SV2B: variants seen among roughly 807,000 people sequenced by gnomAD.
SV2B encodes synaptic vesicle glycoprotein 2B.
In SV2B, 41 loss-of-function variants were observed where a neutral mutation model predicts 73.9. The observed-to-expected ratio is 0.56, with a 90% CI of 0.43 to 0.72. SV2B has a LOEUF of 0.72. SV2B is among the 30% of genes least tolerant of loss of function. The pLI is 0.00. For synonymous variants in SV2B, 314 were observed against 314.2 expected (o/e 1.00, Z 0.01); for missense variants, 764 against 857.8 (o/e 0.89, Z 1.37).
At chr15:91,142,484 A>C (rs1369013692) in intron 1 of SV2B, among the ~76,000 whole-genome samples, 3 of 152,240 alleles carry the variant, frequency 2.0e-5, no homozygotes, top group African/African-American at 7.2e-5. Flanking sequence ...AGGAATGCTC[A>C]TGTAGGTGGT....
intron 1 of SV2B, among the ~76,000 whole-genome samples, chr15:91,202,487 G>A (rs1420254776): frequency 6.6e-6 from 1 of 152,184 alleles, no homozygotes; most frequent in African/African-American, 2.4e-5. Flanking sequence ...GGGTGTCTTG[G>A]GAAAAATGAT....
intron 9 of SV2B, among the ~76,000 whole-genome samples, chr15:91,275,606 C>T (rs1596763749): frequency 6.6e-6 from 1 of 152,290 alleles, no homozygotes; most frequent in Middle Eastern, 3.4e-3. Context: ...GGGCGGAATG[C>T]CTGAGCTCAG....
chr15:91,268,418 A>G lies in SV2B; in HGVS notation c.1209-23A>G, dbSNP rs1282751069. On this transcript the variant is annotated intron_variant, in intron 8 of 12. Coordinates refer to ENST00000394232, the MANE Select transcript of SV2B (RefSeq NM_001323032.3). The surrounding 1 kb of genome is among the most constrained non-coding windows in gnomAD (Gnocchi z 4.4). ...AAGAATGAATCCTGTTGTTGTTGCA[A>G]CCTTCTGCCTTCTCCACTCCAGTTA... 3 of 1,599,478 alleles carry G rather than the reference A, an allele frequency of 1.9e-6. No homozygotes were observed. Among genetic ancestry groups the G allele is most frequent in the Non-Finnish European group, 2.6e-6 (3 of 1,169,312 alleles).
In SV2B at chr15:91,293,204, T is replaced by C. The variant is rs1318905399; in HGVS notation, c.*652T>C. On this transcript the variant is annotated 3_prime_UTR_variant, in exon 13 of 13. Transcript: ENST00000394232. ...ATTTAAGAAGGATATTTATTTCTGT[T>C]TTGCTCTATTCAAAGAAACGGAATG... 6.6e-6 allele frequency: 1 copy of C among 152,206 alleles called. No individual in the cohort carries two copies. The highest frequency in any genetic ancestry group is 1.5e-5 in the Non-Finnish European group (1 of 68,048). 9.4% of individuals were successfully genotyped at this position (152,206 alleles called of 1,614,324 possible).
At position 91,258,884 on chromosome 15, in the gene SV2B, GT is replaced by G. The variant is rs1355626570; in HGVS notation, c.918+336del. ...TGTCCCCCGAGGTCCTGATTAGGAA[GT>G]TTTTTAGCCTGGGCTACACAGGGAG... is the stretch of plus-strand genomic sequence containing the variant. On this transcript the variant is annotated intron_variant, in intron 5 of 12. Transcript: ENST00000394232. The surrounding 1 kb of genome is among the most constrained non-coding windows in gnomAD (Gnocchi z 4.7). Among the ~76,000 whole-genome samples the G allele has an allele frequency of 6.9e-6, 1 of 144,154 alleles. No individual in the cohort carries two copies. The highest frequency in any genetic ancestry group is 1.5e-5 in the Non-Finnish European group (1 of 66,450). 94.6% of individuals were successfully genotyped at this position (144,154 alleles called of 152,430 possible).
intron 1 of SV2B, among the ~76,000 whole-genome samples, chr15:91,161,503 C>T (rs964538035): frequency 2.6e-5 from 4 of 152,126 alleles, no homozygotes; most frequent in Non-Finnish European, 5.9e-5. Context: ...GATAGTAATG[C>T]AAGTAAATAA....
intron 1 of SV2B, among the ~76,000 whole-genome samples, chr15:91,200,326 G>C (rs532076754): frequency 6.6e-6 from 1 of 152,312 alleles, no homozygotes; most frequent in South Asian, 2.1e-4. Context: ...AGAGAGTTTA[G>C]GGATATTGAT....
chr15:91,127,433 C>A (rs779874450), intron 1 of SV2B, among the ~76,000 whole-genome samples: 1 of 151,844 alleles, frequency 6.6e-6, no homozygotes, highest in Non-Finnish European at 1.5e-5. Flanking sequence ...TTGGGACTGC[C>A]GGGAAGGCAT....
chr15:91,193,325 C>T (rs1191986890), intron 1 of SV2B, among the ~76,000 whole-genome samples: 12 of 152,184 alleles, frequency 7.9e-5, no homozygotes, highest in South Asian at 4.1e-4. Context: ...TGTTGGCCGA[C>T]GTTGGCCTGT....
At chr15:91,244,659 T>C (rs2047154387) in intron 2 of SV2B, among the ~76,000 whole-genome samples, 1 of 152,230 alleles carries the variant, frequency 6.6e-6, no homozygotes, top group African/African-American at 2.4e-5. Context: ...GAGAGTTCTT[T>C]GTGGGATTCC....
chr15:91,159,066 G>A (rs1201722613), intron 1 of SV2B, among the ~76,000 whole-genome samples: 1 of 152,058 alleles, frequency 6.6e-6, no homozygotes, highest in Non-Finnish European at 1.5e-5. Flanking sequence ...ATGAAAAGTA[G>A]CCCTTTTCAT....
chr15:91,281,429 A>G lies in SV2B; in HGVS notation c.1374-299A>G, dbSNP rs2048677242. 6.6e-6 allele frequency among the ~76,000 whole-genome samples: 1 copy of G among 152,188 alleles called. No individual in the cohort carries two copies. Among genetic ancestry groups the G allele is most frequent in the Non-Finnish European group, 1.5e-5 (1 of 68,034 alleles). ...GGTGTTATTAATATTTAAATTTCAC[A>G]CTATTTCACATTTCTGTGATTCTGA... On this transcript the variant is annotated intron_variant, in intron 9 of 12. Coordinates refer to ENST00000394232, the MANE Select transcript of SV2B (RefSeq NM_001323032.3). This position sits in a 1 kb window ranked among gnomAD's most constrained non-coding sequence, Gnocchi z 4.7.
intron 1 of SV2B, among the ~76,000 whole-genome samples, chr15:91,182,301 C>G (rs1205055649): frequency 6.6e-6 from 1 of 152,214 alleles, no homozygotes; most frequent in Non-Finnish European, 1.5e-5. Flanking sequence ...TGAACACCTG[C>G]TTTGCTTCAG....
rs1216478345 is a variant in SV2B at position 91,118,878 on chromosome 15, C to A, written c.-392+18515C>A. Among the ~76,000 whole-genome samples, 1 of 152,212 alleles carries A rather than the reference C, an allele frequency of 6.6e-6. No individual in the cohort carries two copies. The highest frequency in any genetic ancestry group is 2.4e-5 in the African/African-American group (1 of 41,446). On this transcript the variant is annotated intron_variant, in intron 1 of 12. Transcript: ENST00000394232. This position sits in a 1 kb window ranked among gnomAD's most constrained non-coding sequence, Gnocchi z 4.7. ...TCTGGTTCCTCTTCATAGCTTCTTG[C>A]CTCCTCTCATCGGCTCTGTGTGGAG...
chr15:91,169,766 G>T, intron 1 of SV2B, among the ~76,000 whole-genome samples: 1 of 152,138 alleles, frequency 6.6e-6, no homozygotes. Flanking sequence ...GAAGGGTGTG[G>T]GGCTACTTTA....
Position 91,284,336 on chromosome 15 carries a change from A to G in SV2B, c.1708+115A>G. 8.4e-7 allele frequency: 1 copy of G among 1,186,442 alleles called. No homozygotes were observed. The allele number at this position is 1,186,442 out of a possible 1,614,324, so 73.5% of individuals were successfully genotyped here. A position where few individuals can be genotyped will look rare whatever the true frequency, so the allele number is the denominator to read the frequency against. ...AAATAATTCTTGCACAACAAACCCA[A>G]CAAGTAAGATTGCACCCAGGGCTAT... On this transcript the variant is annotated intron_variant, in intron 11 of 12. Transcript: ENST00000394232. This position sits in a 1 kb window ranked among gnomAD's most constrained non-coding sequence, Gnocchi z 4.5.
chr15:91,210,685 A>T (rs949903397), intron 1 of SV2B, among the ~76,000 whole-genome samples: 1 of 152,120 alleles, frequency 6.6e-6, no homozygotes, highest in African/African-American at 2.4e-5. Context: ...TTAGGAAGAG[A>T]TCAAATTTCC....
intron 1 of SV2B, among the ~76,000 whole-genome samples, chr15:91,180,119 T>G (rs1271127359): frequency 8.5e-5 from 13 of 152,150 alleles, no homozygotes; most frequent in Admixed American, 6.6e-5. Context: ...ATTTGCTTGT[T>G]TGTAAAGTAT....
chr15:91,292,549 G>A lies in SV2B; in HGVS notation c.2049G>A (p.Met683Ile). 2 of 1,612,912 alleles carry A rather than the reference G, an allele frequency of 1.2e-6. No individual in the cohort carries two copies. The highest frequency in any genetic ancestry group is 1.7e-6 in the Non-Finnish European group (2 of 1,179,660). The change falls in exon 13 of 13, where the codon ATG (methionine) becomes ATA (isoleucine). Residue 683 changes from methionine (M) to isoleucine (I), a missense_variant. Coordinates refer to ENST00000394232, the MANE Select transcript of SV2B (RefSeq NM_001323032.3). ...CAGAGACTCGAGAACAGGTCCTGAT[G>A]TGAACAACCTATGGGAAAAGGAAAG... ...RLPETREQVLM is the reference protein window; with the variant it reads ...RLPETREQVLI
Sources: gnomAD v4.1 joint callset for allele counts (sites outside exome capture counted in the v4.1 genomes callset) on GRCh38, gnomAD v4.1.1 for gene constraint, Gnocchi (gnomAD v3.1) non-coding constraint, MANE v1.5 for transcripts, NCBI Gene and HGNC (gene_info 2026-07-23, HGNC 2026-07-21) for gene names.